Variants in NAPEPLD observed in about 807,000 individuals in gnomAD.
The protein encoded by NAPEPLD is N-acyl phosphatidylethanolamine phospholipase D.
Under a neutral mutation model 38.1 loss-of-function variants are expected in NAPEPLD, and 23 were observed. That is an observed-to-expected ratio of 0.60 (90% CI 0.43 to 0.86). The LOEUF (loss-of-function observed/expected upper bound fraction) is 0.86. Among genes scored for constraint, NAPEPLD ranks in the 40% least tolerant of loss-of-function variants. NAPEPLD has a pLI of 0.00. For synonymous variants in NAPEPLD, 147 were observed against 162.0 expected (o/e 0.91, Z 0.71); for missense variants, 411 against 476.8 (o/e 0.86, Z 1.28).
chr7:103,103,657 G>T, intron 4 of NAPEPLD, 103 bp from the exon 5 acceptor site: 8 of 1,183,270 alleles, frequency 6.8e-6, no homozygotes, highest in South Asian at 1.6e-5. Flanking sequence ...TGCCTAGTTA[G>T]AATTAGGCCC....
At chr7:103,132,590 G>C (rs777252839) in intron 1 of NAPEPLD, among the ~76,000 whole-genome samples, 5 of 151,804 alleles carry the variant, frequency 3.3e-5, no homozygotes, top group Non-Finnish European at 5.9e-5. Context: ...GATTCAGGCT[G>C]CTTTAGGGGT....
intron 3 of NAPEPLD, among the ~76,000 whole-genome samples, chr7:103,118,475 A>C (rs1805986354): frequency 6.6e-6 from 1 of 152,236 alleles, no homozygotes; most frequent in Non-Finnish European, 1.5e-5. Context: ...AAATAAAAAT[A>C]GGGACAAAAT....
At chr7:103,144,902 C>G (rs1812225036) in intron 1 of NAPEPLD, among the ~76,000 whole-genome samples, 2 of 152,102 alleles carry the variant, frequency 1.3e-5, no homozygotes, top group Admixed American at 6.5e-5. Flanking sequence ...GTCCCAGCTA[C>G]TCAGGAGGCT....
In NAPEPLD at chr7:103,120,242, C is replaced by T; in HGVS notation, c.295-19G>A. The T allele has an allele frequency of 6.3e-7, 1 of 1,592,370 alleles. No homozygotes were observed. Among genetic ancestry groups the T allele is most frequent in the South Asian group, 1.1e-5 (1 of 88,030 alleles). On this transcript the variant is annotated intron_variant, in intron 2 of 4. Coordinates refer to ENST00000465647, the MANE Select transcript of NAPEPLD (RefSeq NM_001122838.3). Reference sequence around the variant, plus strand: ...CTAGTTCCTTTGTGTATAAAGAAAGCAAGACAAAAGAGTAGTTAGAAAAAA... The same window carrying T: ...CTAGTTCCTTTGTGTATAAAGAAAGTAAGACAAAAGAGTAGTTAGAAAAAA...
At chr7:103,126,863 A>C (rs908150785) in intron 2 of NAPEPLD, 2 of 147,682 alleles carry the variant, frequency 1.4e-5, no homozygotes, top group African/African-American at 5.0e-5. Context: ...CCTCAGCTCA[A>C]GCAATCCACC....
At chr7:103,103,589 T>C in intron 4 of NAPEPLD, 35 bp from the exon 5 acceptor site, 1 of 1,560,072 alleles carries the variant, frequency 6.4e-7, no homozygotes, top group Non-Finnish European at 8.6e-7. Context: ...TAGAAAAAGA[T>C]TAAACATATA....
intron 1 of NAPEPLD, among the ~76,000 whole-genome samples, chr7:103,133,546 T>A (rs1371866710): frequency 6.6e-6 from 1 of 152,138 alleles, no homozygotes; most frequent in Non-Finnish European, 1.5e-5. Context: ...ACAAGAACGC[T>A]CCTCATGCCC....
intron 1 of NAPEPLD, among the ~76,000 whole-genome samples, chr7:103,134,264 T>G (rs767315311): frequency 4.6e-5 from 7 of 152,228 alleles, no homozygotes; most frequent in Non-Finnish European, 1.0e-4. Flanking sequence ...GTTATAAACA[T>G]ACCAAATGCT....
intron 1 of NAPEPLD, chr7:103,129,391 G>A (rs1170628276): frequency 3.8e-6 from 3 of 792,318 alleles, no homozygotes; most frequent in South Asian, 5.8e-5. Context: ...CCATTTCAAT[G>A]ACATTCTGTG....
intron 2 of NAPEPLD, among the ~76,000 whole-genome samples, chr7:103,120,951 A>G (rs1806572315): frequency 6.6e-6 from 1 of 151,872 alleles, no homozygotes; most frequent in Non-Finnish European, 1.5e-5. Context: ...GGCTCAAGCA[A>G]TCATCCTGTC....
chr7:103,103,595 A>G (rs974268702), intron 4 of NAPEPLD, 41 bp from the exon 5 acceptor site: 2 of 1,555,500 alleles, frequency 1.3e-6, no homozygotes, highest in Non-Finnish European at 1.7e-6. Flanking sequence ...AAGATTAAAC[A>G]TATATTTGGG....
At chr7:103,132,083 T>C (rs1187207449) in intron 1 of NAPEPLD, among the ~76,000 whole-genome samples, 1 of 152,060 alleles carries the variant, frequency 6.6e-6, no homozygotes, top group Non-Finnish European at 1.5e-5. Flanking sequence ...GAAAATGATG[T>C]ACTTAGGGAA....
Position 103,101,135 on chromosome 7 carries a change from A to G in NAPEPLD, c.*2294T>C, listed in dbSNP as rs908236797. The stretch of plus-strand genomic sequence containing the variant: ...TCAATTCGGCGTGCAGCAGCAGGGA[A>G]TATGGCTACAACAACGCTGGCTAGT... On this transcript the variant is annotated 3_prime_UTR_variant, in exon 5 of 5. Transcript: ENST00000465647. The G allele has an allele frequency of 6.6e-6, 1 of 152,240 alleles. No homozygotes were observed. Among genetic ancestry groups the G allele is most frequent in the African/African-American group, 2.4e-5 (1 of 41,466 alleles). 9.4% of individuals were successfully genotyped at this position (152,240 alleles called of 1,614,324 possible).
At chr7:103,115,239 T>C in intron 3 of NAPEPLD, 65 bp from the exon 4 acceptor site, 1 of 1,193,538 alleles carries the variant, frequency 8.4e-7, no homozygotes, top group Non-Finnish European at 1.2e-6. Flanking sequence ...TAAAATCTGT[T>C]TCACTTAACC....
intron 3 of NAPEPLD, among the ~76,000 whole-genome samples, chr7:103,116,033 C>T (rs1263739279): frequency 1.3e-5 from 2 of 150,894 alleles, no homozygotes; most frequent in Non-Finnish European, 2.9e-5. Context: ...CTGTCACCAT[C>T]TGCTGGTTTT....
At chr7:103,123,661 A>C (rs1807167075) in intron 2 of NAPEPLD, among the ~76,000 whole-genome samples, 1 of 152,224 alleles carries the variant, frequency 6.6e-6, no homozygotes, top group Admixed American at 6.5e-5. Flanking sequence ...ACAACACTGG[A>C]AGTAGGTCCT....
chr7:103,107,761 A>G (rs1419622814), intron 4 of NAPEPLD, among the ~76,000 whole-genome samples: 1 of 4,924 alleles, frequency 2.0e-4, no homozygotes, highest in African/African-American at 2.4e-4. Flanking sequence ...TGAAAAGACC[A>G]AATCTACACG....
At chr7:103,149,238 G>C (rs930150748), upstream of NAPEPLD, 2 of 995,522 alleles carry the variant, frequency 2.0e-6, no homozygotes, top group Non-Finnish European at 1.2e-6. Context: ...GCGGGCGCGC[G>C]GCCAGAGCGG....
chr7:103,117,966 T>C (rs1224723106), intron 3 of NAPEPLD, among the ~76,000 whole-genome samples: 2 of 152,198 alleles, frequency 1.3e-5, no homozygotes, highest in African/African-American at 4.8e-5. Context: ...GCAGATCACT[T>C]GAGGTCAGGA....
Sources: gnomAD v4.1 joint callset for allele counts (sites outside exome capture counted in the v4.1 genomes callset) on GRCh38, gnomAD v4.1.1 for gene constraint, MANE v1.5 for transcripts, NCBI Gene and HGNC (gene_info 2026-07-23, HGNC 2026-07-21) for gene names.